The following TTC7B variants were observed in gnomAD, a reference collection of about 807,000 sequenced individuals.
The protein encoded by TTC7B is tetratricopeptide repeat domain 7B, also known as tetratricopeptide repeat protein 7B.
TTC7B carries 28 observed loss-of-function variants against 106.8 expected under a neutral mutation model. That is an observed-to-expected ratio of 0.26 (90% CI 0.19 to 0.36). The LOEUF (loss-of-function observed/expected upper bound fraction) is 0.36, where lower values mean the gene tolerates loss of function less well. TTC7B is among the 10% of genes least tolerant of loss of function. The pLI is 1.00. For missense variants in TTC7B, 862 were observed against 1,076.4 expected (o/e 0.80, Z 2.79); for synonymous variants, 405 against 430.6 (o/e 0.94, Z 0.74).
intron 9 of TTC7B, among the ~76,000 whole-genome samples, chr14:90,659,619 A>T (rs1241044824): frequency 6.6e-6 from 1 of 152,128 alleles, no homozygotes; most frequent in African/African-American, 2.4e-5. Flanking sequence ...GGACCCGAGA[A>T]GGGGCCAATG....
At chr14:90,583,537 C>G (rs921793867) in intron 18 of TTC7B, among the ~76,000 whole-genome samples, 2 of 152,188 alleles carry the variant, frequency 1.3e-5, no homozygotes, top group Admixed American at 6.5e-5. Context: ...ACCAAAGGAA[C>G]AGCAGCACAG....
chr14:90,684,438 A>G (rs1241657264), intron 7 of TTC7B, among the ~76,000 whole-genome samples: 1 of 152,148 alleles, frequency 6.6e-6, no homozygotes, highest in African/African-American at 2.4e-5. Context: ...AAGACTCTTC[A>G]CAGAAGCACT....
intron 9 of TTC7B, among the ~76,000 whole-genome samples, chr14:90,671,193 C>T (rs1595266656): frequency 1.3e-5 from 2 of 152,228 alleles, no homozygotes; most frequent in Admixed American, 6.5e-5. Flanking sequence ...GGCAAGCAGA[C>T]GTTGTTAGAT....
intron 5 of TTC7B, among the ~76,000 whole-genome samples, chr14:90,721,395 T>C (rs935502866): frequency 6.6e-6 from 1 of 152,194 alleles, no homozygotes; most frequent in Non-Finnish European, 1.5e-5. Context: ...TCGTTAGAGA[T>C]TCTTTTGTTT....
At chr14:90,596,227 G>C (rs183984912) in intron 17 of TTC7B, among the ~76,000 whole-genome samples, 161 of 152,162 alleles carry the variant, frequency 1.1e-3, no homozygotes, top group Middle Eastern at 0.01. Context: ...TTTCTACCAG[G>C]TTCTGTGAAT....
intron 3 of TTC7B, among the ~76,000 whole-genome samples, chr14:90,771,410 A>T (rs1890858836): frequency 6.6e-6 from 1 of 152,198 alleles, no homozygotes; most frequent in Non-Finnish European, 1.5e-5. Flanking sequence ...AGCCTGGGCA[A>T]CGTCCAAACC....
At chr14:90,706,704 G>T (rs779465213) in intron 5 of TTC7B, among the ~76,000 whole-genome samples, 47 of 152,122 alleles carry the variant, frequency 3.1e-4, no homozygotes, top group Non-Finnish European at 2.5e-4. Context: ...TAGCTTCTTC[G>T]CTATACGGAT....
At chr14:90,668,109 A>G (rs538813054) in intron 9 of TTC7B, among the ~76,000 whole-genome samples, 76 of 110,572 alleles carry the variant, frequency 6.9e-4, no homozygotes, top group Non-Finnish European at 1.0e-3. Flanking sequence ...AATAGATAAT[A>G]AGACCAACCA....
Position 90,771,131 on chromosome 14 carries a change from A to G in TTC7B, c.445+9607T>C, listed in dbSNP as rs117244759. On this transcript the variant is annotated intron_variant, in intron 3 of 19. Coordinates refer to ENST00000328459, the MANE Select transcript of TTC7B (RefSeq NM_001010854.2). ...GGATGGTGGTGACAGTTGCACAGCA[A>G]TGTGAAGAATACATTTAATCTCACT... Among the ~76,000 whole-genome samples the G allele has an allele frequency of 9.5e-4, 144 of 152,274 alleles. No individual in the cohort carries two copies. In the East Asian group the frequency reaches 0.02, roughly 21 times the overall value.
rs1228431039 is a variant in TTC7B at position 90,536,791 on chromosome 14, G to A, written c.*4577C>T. On this transcript the variant is annotated 3_prime_UTR_variant, in exon 20 of 20. Transcript: ENST00000328459. Reference sequence around the variant, plus strand: ...TAACGTGCTCCCCCTGCCCCTCAAAGACGTCCACATCCCGAGCCCTGGAAC... The same window carrying A: ...TAACGTGCTCCCCCTGCCCCTCAAAAACGTCCACATCCCGAGCCCTGGAAC... The A allele has an allele frequency of 6.6e-6, 1 of 152,386 alleles. No individual in the cohort carries two copies. The highest frequency in any genetic ancestry group is 2.4e-5 in the African/African-American group (1 of 41,460). 9.4% of individuals were successfully genotyped at this position (152,386 alleles called of 1,614,324 possible).
chr14:90,785,484 G>A (rs887851333), intron 2 of TTC7B, among the ~76,000 whole-genome samples: 1 of 152,130 alleles, frequency 6.6e-6, no homozygotes, highest in African/African-American at 2.4e-5. Context: ...CCAGGGGAGT[G>A]TGAGCCACCT....
Position 90,579,996 on chromosome 14 carries a change from AC to A in TTC7B, c.2108-1689del, listed in dbSNP as rs778798676. Among the ~76,000 whole-genome samples the A allele has an allele frequency of 2.6e-3, 401 of 152,292 alleles. 2 individuals are homozygous for A. Among genetic ancestry groups the A allele is most frequent in the Middle Eastern group, 6.8e-3 (2 of 294 alleles). ...TGCTGCCAGGTTAACCCTGAGGCCA[AC>A]CTCTGGGGCGGCAGCCACCTGCTCC... is the stretch of plus-strand genomic sequence containing the variant. On this transcript the variant is annotated intron_variant, in intron 18 of 19. Transcript: ENST00000328459.
rs1296288709 is a variant in TTC7B, at chr14:90,608,403, C to T, written c.1966+2339G>A. 1.3e-5 allele frequency among the ~76,000 whole-genome samples: 2 copies of T among 152,104 alleles called. No homozygotes were observed. The highest frequency in any genetic ancestry group is 2.9e-5 in the Non-Finnish European group (2 of 68,010). On this transcript the variant is annotated intron_variant, in intron 17 of 19. Transcript: ENST00000328459. This position sits in a 1 kb window ranked among gnomAD's most constrained non-coding sequence, Gnocchi z 5.1. The stretch of plus-strand genomic sequence containing the variant: ...TGGTTGGGTCGGGGGTGGTGTAGGG[C>T]TGGTGGCAGGAGTCTCAGAAGGACT...
intron 19 of TTC7B, chr14:90,569,622 A>G (rs1890945057): frequency 6.6e-6 from 1 of 152,234 alleles, no homozygotes; most frequent in African/African-American, 2.4e-5. Context: ...GAGTGTGATT[A>G]GTGTGAGTCT....
rs534589018 is a variant in TTC7B, at chr14:90,561,667, G to A, written c.2310+16439C>T. 2.0e-5 allele frequency among the ~76,000 whole-genome samples: 3 copies of A among 152,332 alleles called. No homozygotes were observed. The East Asian group carries it at 5.8e-4, about 29-fold the overall frequency. ...TGCCCAAGGGCCCCAGCTCCTCCCT[G>A]TGGAAGCCGTTTCTAATTCAAGCCA... On this transcript the variant is annotated intron_variant, in intron 19 of 19. Coordinates refer to ENST00000328459, the MANE Select transcript of TTC7B (RefSeq NM_001010854.2).
In TTC7B at chr14:90,658,870, G is replaced by A. The variant is rs147799324; in HGVS notation, c.1153-483C>T. ...TCTCAGTACTGGTGCATTGCCTGCC[G>A]TGGTGAGTAATCTACAAACGGACTT... On this transcript the variant is annotated intron_variant, in intron 9 of 19. Coordinates refer to ENST00000328459, the MANE Select transcript of TTC7B (RefSeq NM_001010854.2). Among the ~76,000 whole-genome samples, 756 of 152,282 alleles carry A rather than the reference G, an allele frequency of 5.0e-3. 9 individuals are homozygous for A. The highest frequency in any genetic ancestry group is 0.018 in the African/African-American group (733 of 41,542).
chr14:90,644,775 A>G (rs1885361582), intron 14 of TTC7B: 1 of 152,286 alleles, frequency 6.6e-6, no homozygotes. Context: ...ACTAGACATC[A>G]AGGAAACATG....
chr14:90,681,572 A>T (rs1887049900), intron 7 of TTC7B, among the ~76,000 whole-genome samples: 1 of 152,090 alleles, frequency 6.6e-6, no homozygotes, highest in South Asian at 2.1e-4. Context: ...TCTTAGGATG[A>T]TAAAGAGCAA....
At chr14:90,778,391 C>T (rs578209511) in intron 3 of TTC7B, among the ~76,000 whole-genome samples, 39 of 152,240 alleles carry the variant, frequency 2.6e-4, no homozygotes, top group African/African-American at 9.4e-4. Context: ...GCAGTGACAC[C>T]TGTAGACAGC....
Sources: allele counts gnomAD v4.1 joint callset (sites outside exome capture counted in the v4.1 genomes callset), GRCh38; gene constraint gnomAD v4.1.1; non-coding constraint Gnocchi (gnomAD v3.1); transcripts MANE v1.5; gene names NCBI Gene and HGNC (gene_info 2026-07-23, HGNC 2026-07-21).